Variants in XKR6 observed in about 807,000 individuals in gnomAD.
The protein encoded by XKR6 is XK related 6.
Under a neutral mutation model 56.7 loss-of-function variants are expected in XKR6, and 22 were observed. The observed-to-expected ratio is 0.39, with a 90% CI of 0.28 to 0.55. The LOEUF (loss-of-function observed/expected upper bound fraction) is 0.55, where lower values mean the gene tolerates loss of function less well. Ranked by LOEUF, XKR6 falls within the 20% of genes least tolerant of loss-of-function variation. XKR6 has a pLI of 0.66. For missense variants in XKR6, 852 were observed against 889.0 expected (o/e 0.96, Z 0.53); for synonymous variants, 524 against 387.8 (o/e 1.35, Z -4.13).
chr8:10,960,537 A>C (rs1339143431), intron 1 of XKR6, among the ~76,000 whole-genome samples: 1 of 152,182 alleles, frequency 6.6e-6, no homozygotes, highest in African/African-American at 2.4e-5. Flanking sequence ...AACTCATCGA[A>C]TTTCCACTCT....
chr8:10,975,825 C>T (rs1307508949), intron 1 of XKR6, among the ~76,000 whole-genome samples: 3 of 152,176 alleles, frequency 2.0e-5, no homozygotes, highest in Non-Finnish European at 4.4e-5. Context: ...TCAGATTCTG[C>T]TCTGACACTT....
At chr8:10,989,057 C>T (rs1302702276) in intron 1 of XKR6, among the ~76,000 whole-genome samples, 1 of 152,184 alleles carries the variant, frequency 6.6e-6, no homozygotes, top group African/African-American at 2.4e-5. Flanking sequence ...TGTTGACTCA[C>T]CATGACCACC....
intron 2 of XKR6, among the ~76,000 whole-genome samples, chr8:10,921,354 G>C (rs1800710496): frequency 6.6e-6 from 1 of 152,348 alleles, no homozygotes; most frequent in African/African-American, 2.4e-5. Flanking sequence ...CTGAAGGATA[G>C]GCGTCTTTGC....
At chr8:10,927,636 C>T (rs1800931378) in intron 1 of XKR6, among the ~76,000 whole-genome samples, 1 of 152,182 alleles carries the variant, frequency 6.6e-6, no homozygotes, top group South Asian at 2.1e-4. Context: ...TTCCACGCCA[C>T]ATTCTCCCAA....
chr8:10,911,969 T>C (rs1800387602), intron 2 of XKR6, among the ~76,000 whole-genome samples: 1 of 147,168 alleles, frequency 6.8e-6, no homozygotes, highest in Non-Finnish European at 1.5e-5. Flanking sequence ...AGTTTACACA[T>C]ATATATGGAG....
At chr8:10,941,878 C>T (rs967540729) in intron 1 of XKR6, among the ~76,000 whole-genome samples, 3 of 152,218 alleles carry the variant, frequency 2.0e-5, no homozygotes, top group Admixed American at 6.5e-5. Context: ...AGAACCCCAA[C>T]GGCCCTTCCA....
At chr8:11,184,504 A>T (rs1027151624) in intron 1 of XKR6, among the ~76,000 whole-genome samples, 4 of 152,098 alleles carry the variant, frequency 2.6e-5, no homozygotes, top group African/African-American at 2.4e-5. Context: ...GAACTAACTG[A>T]ACAGGTATTT....
intron 1 of XKR6, chr8:11,128,826 C>T (rs1242829519): frequency 4.4e-6 from 2 of 456,928 alleles, no homozygotes; most frequent in South Asian, 3.1e-5. Flanking sequence ...TATCCAGAAT[C>T]TGATCACCTT....
At chr8:11,012,960 A>G (rs1798534078) in intron 1 of XKR6, among the ~76,000 whole-genome samples, 2 of 152,198 alleles carry the variant, frequency 1.3e-5, no homozygotes, top group South Asian at 4.1e-4. Context: ...GTATCTTGGC[A>G]TGTAAGAGTC....
At chr8:11,191,450 A>T (rs1803569128) in intron 1 of XKR6, among the ~76,000 whole-genome samples, 1 of 152,204 alleles carries the variant, frequency 6.6e-6, no homozygotes, top group Non-Finnish European at 1.5e-5. Context: ...ACCTTAACCA[A>T]GGGATAAAAC....
chr8:10,948,427 C>T (rs1223751191), intron 1 of XKR6, among the ~76,000 whole-genome samples: 1 of 152,152 alleles, frequency 6.6e-6, no homozygotes, highest in Non-Finnish European at 1.5e-5. Flanking sequence ...TGTTCTGCTG[C>T]CCCCTGCCCT....
chr8:10,922,727 C>T (rs540861021), intron 2 of XKR6, among the ~76,000 whole-genome samples: 6 of 152,210 alleles, frequency 3.9e-5, no homozygotes, highest in Non-Finnish European at 7.3e-5. Context: ...CCTCAGGCAT[C>T]CTGAAGATGG....
chr8:10,898,001 C>A lies in XKR6; in HGVS notation c.1877G>T (p.Arg626Leu), dbSNP rs201645869. The A allele has an allele frequency of 2.5e-6, 4 of 1,610,510 alleles. No homozygotes were observed. Among genetic ancestry groups the A allele is most frequent in the Non-Finnish European group, 8.5e-7 (1 of 1,178,672 alleles). Residue 626 changes from arginine to leucine, a missense_variant, in exon 3 of 3, where the codon CGA becomes CTA. This residue lies in a region of XKR6 where 39 missense variants were observed against 62.5 expected (regional missense o/e 0.62). Coordinates refer to ENST00000416569, the MANE Select transcript of XKR6 (RefSeq NM_173683.4). The surrounding 1 kb of genome is among the most constrained non-coding windows in gnomAD (Gnocchi z 6.6). ...CAACTCATAGAGGAGTGGTCCGTCT[C>A]GATATCGAATGCCTACTGCGGTGGG... ...VTPTAVGIRYRDGPLLYELLQ... is the reference protein window; with the variant it reads ...VTPTAVGIRYLDGPLLYELLQ...
intron 1 of XKR6, among the ~76,000 whole-genome samples, chr8:11,093,406 T>C (rs984407481): frequency 6.6e-6 from 1 of 151,920 alleles, no homozygotes; most frequent in African/African-American, 2.4e-5. Flanking sequence ...CCTCACCCAC[T>C]GCCCTTAGCA....
At chr8:10,928,342 T>C (rs1800957278) in intron 1 of XKR6, among the ~76,000 whole-genome samples, 1 of 152,218 alleles carries the variant, frequency 6.6e-6, no homozygotes, top group Admixed American at 6.5e-5. Context: ...GGCTCTAGGA[T>C]TCTTCCTCCT....
At chr8:10,976,107 T>G (rs866691650) in intron 1 of XKR6, among the ~76,000 whole-genome samples, 26 of 148,598 alleles carry the variant, frequency 1.7e-4, no homozygotes, top group Admixed American at 5.4e-4. Flanking sequence ...ACCCGGGAGG[T>G]GGAGCTTGCA....
chr8:11,086,881 C>T (rs116552090), intron 1 of XKR6, among the ~76,000 whole-genome samples: 1,687 of 152,338 alleles, frequency 0.011, 43 homozygotes, highest in African/African-American at 0.037. Context: ...CGAAACAGAA[C>T]AGAGGCGTCG....
At chr8:10,922,946 C>T (rs375395847) in intron 2 of XKR6, among the ~76,000 whole-genome samples, 10 of 152,320 alleles carry the variant, frequency 6.6e-5, no homozygotes, top group South Asian at 2.1e-4. Context: ...CTCTAGGCCA[C>T]GGTTGCTCAT....
intron 1 of XKR6, among the ~76,000 whole-genome samples, chr8:11,182,335 A>T (rs1051548635): frequency 1.3e-5 from 2 of 152,198 alleles, no homozygotes; most frequent in Non-Finnish European, 2.9e-5. Context: ...TTCAGCCTTA[A>T]TGAGACTGGG....
Sources: allele counts gnomAD v4.1 joint callset (sites outside exome capture counted in the v4.1 genomes callset), GRCh38; gene constraint gnomAD v4.1.1; regional missense constraint gnomAD v4.1.1; non-coding constraint Gnocchi (gnomAD v3.1); transcripts MANE v1.5; gene names NCBI Gene and HGNC (gene_info 2026-07-23, HGNC 2026-07-21).